DYNC2I1: variants seen among roughly 807,000 people sequenced by gnomAD.
The protein encoded by DYNC2I1 is cytoplasmic dynein 2 intermediate chain 1.
A neutral mutation model predicts 133.4 loss-of-function variants in DYNC2I1; 89 were observed. That is an observed-to-expected ratio of 0.67 (90% confidence interval 0.56 to 0.80). DYNC2I1 has a LOEUF of 0.80. Ranked by LOEUF, DYNC2I1 falls within the 30% of genes least tolerant of loss-of-function variation. DYNC2I1 has a pLI of 0.00. For synonymous variants in DYNC2I1, 504 were observed against 484.3 expected (o/e 1.04, Z -0.54); for missense variants, 1,291 against 1,314.5 (o/e 0.98, Z 0.28).
At chr7:158,901,591 T>C (rs1234122708) in intron 8 of DYNC2I1, 148 bp from the exon 9 acceptor site, 1 of 594,034 alleles carries the variant, frequency 1.7e-6, no homozygotes, top group African/African-American at 2.0e-5. Flanking sequence ...TAAAGGAATT[T>C]AACATTATAT....
chr7:158,909,420 T>C (rs751047789), intron 11 of DYNC2I1, among the ~76,000 whole-genome samples: 2 of 151,878 alleles, frequency 1.3e-5, no homozygotes, highest in Admixed American at 6.6e-5. Context: ...TGGTACAATG[T>C]CTGCATAGGC....
At chr7:158,928,798 C>G (rs1483610167) in intron 20 of DYNC2I1, among the ~76,000 whole-genome samples, 3 of 151,922 alleles carry the variant, frequency 2.0e-5, no homozygotes, top group African/African-American at 4.8e-5. Flanking sequence ...GCACCAACCC[C>G]CCTTCACACC....
At chr7:158,878,380 A>G (rs1585003295) in intron 4 of DYNC2I1, among the ~76,000 whole-genome samples, 1 of 106,764 alleles carries the variant, frequency 9.4e-6, no homozygotes. Flanking sequence ...AGGAGGGCCG[A>G]CTGTGAATGC....
At chr7:158,943,918 C>T (rs770438714) in intron 24 of DYNC2I1, among the ~76,000 whole-genome samples, 2 of 152,166 alleles carry the variant, frequency 1.3e-5, no homozygotes, top group Non-Finnish European at 2.9e-5. Context: ...GCCCGGCCCA[C>T]GTTCCTCTAC....
At position 158,878,825 on chromosome 7, in the gene DYNC2I1, GACT is replaced by G. The variant is rs1563098644; in HGVS notation, c.574-858_574-856del. On this transcript the variant is annotated intron_variant, in intron 4 of 24. Transcript: ENST00000407559. ...GCCATGTGGGGAGGCCAGGAGGGCC[GACT>G]GTGAGTGCCGGGCGCCATGTGGGGT... Among the ~76,000 whole-genome samples the G allele has an allele frequency of 3.4e-4, 49 of 145,460 alleles. 1 individual carries two copies. The highest frequency in any genetic ancestry group is 2.0e-3 in the South Asian group (9 of 4,514).
chr7:158,857,698 C>T (rs1841423462), intron 1 of DYNC2I1, among the ~76,000 whole-genome samples: 1 of 150,198 alleles, frequency 6.7e-6, no homozygotes, highest in Admixed American at 6.7e-5. Context: ...CCACCAAGCC[C>T]AGCTGATTTT....
chr7:158,917,921 G>T (rs1250652126), intron 14 of DYNC2I1, among the ~76,000 whole-genome samples: 6 of 152,026 alleles, frequency 3.9e-5, no homozygotes, highest in Admixed American at 1.3e-4. Context: ...AACATTTCCT[G>T]TCTCTCACTC....
chr7:158,847,319 AT>A, the DYNC2I1 span, among the ~76,000 whole-genome samples: 1 of 152,060 alleles, frequency 6.6e-6, no homozygotes, highest in Non-Finnish European at 1.5e-5. Flanking sequence ...AAGAAAATGC[AT>A]TTTTTTCTAG....
chr7:158,880,544 A>AGTGAGAC (rs1843896757), intron 5 of DYNC2I1, among the ~76,000 whole-genome samples: 1 of 152,144 alleles, frequency 6.6e-6, no homozygotes, highest in Non-Finnish European at 1.5e-5. Flanking sequence ...TGGGTGACGG[A>AGTGAGAC]GTGAGACTCT....
At chr7:158,912,954 A>G (rs1463143097) in intron 12 of DYNC2I1, 31 bp from the exon 13 acceptor site, 11 of 1,508,636 alleles carry the variant, frequency 7.3e-6, no homozygotes, top group Middle Eastern at 1.7e-4. Context: ...ATTGAAACCA[A>G]TGTTAATTTT....
chr7:158,905,999 T>A lies in DYNC2I1; in HGVS notation c.1368T>A (p.Ser456Arg), dbSNP rs1424034452. 6.2e-7 allele frequency: 1 copy of A among 1,613,590 alleles called. No individual in the cohort carries two copies. Among genetic ancestry groups the A allele is most frequent in the Non-Finnish European group, 8.5e-7 (1 of 1,179,734 alleles). The part of the protein sequence containing the change: ...FEKEPRTDTN[S>R]SPSRASVCGI... ...TTCTCCCTCACACAGATACAAACAGTTCCCCTTCCAGAGCCTCTGTTTGTG... is the reference window on the plus strand; with the variant it reads ...TTCTCCCTCACACAGATACAAACAGATCCCCTTCCAGAGCCTCTGTTTGTG... The change falls in exon 11 of 25, where the codon AGT becomes AGA. Residue 456 changes from serine to arginine, a missense_variant. By Grantham distance (110) the Ser-to-Arg change is moderately radical. Transcript: ENST00000407559.
intron 1 of DYNC2I1, among the ~76,000 whole-genome samples, chr7:158,862,043 G>T (rs1409360743): frequency 6.6e-6 from 1 of 152,212 alleles, no homozygotes; most frequent in African/African-American, 2.4e-5. Context: ...GCGGGAGCCA[G>T]CCTTGCCCTC....
intron 8 of DYNC2I1, among the ~76,000 whole-genome samples, chr7:158,898,869 T>G (rs183244140): frequency 1.3e-5 from 2 of 151,284 alleles, no homozygotes; most frequent in Non-Finnish European, 3.0e-5. Context: ...AGTTAAAGGT[T>G]GTTTTTTTTT....
At chr7:158,839,972 C>T in the DYNC2I1 span, among the ~76,000 whole-genome samples, 17,943 of 151,424 alleles carry the variant, frequency 0.12, 1,447 homozygotes, top group East Asian at 0.43. Flanking sequence ...TCACCACACC[C>T]GGCTAATTGA....
chr7:158,931,295 A>G (rs1563194088), intron 21 of DYNC2I1, among the ~76,000 whole-genome samples: 1 of 152,136 alleles, frequency 6.6e-6, no homozygotes, highest in Non-Finnish European at 1.5e-5. Flanking sequence ...CATTTACTGC[A>G]CTCAGGGGTC....
intron 5 of DYNC2I1, among the ~76,000 whole-genome samples, chr7:158,880,800 T>C (rs2129479014): frequency 6.6e-6 from 1 of 152,324 alleles, no homozygotes; most frequent in South Asian, 2.1e-4. Flanking sequence ...GCACCTTTTG[T>C]TCTCATGAGT....
chr7:158,958,227 G>T (rs112974376), downstream of DYNC2I1, among the ~76,000 whole-genome samples: 1,666 of 151,978 alleles, frequency 0.011, 38 homozygotes, highest in African/African-American at 0.038. Flanking sequence ...TGCTTATGAG[G>T]TGCACCTTGA....
At chr7:158,937,173 G>T (rs1345041278) in intron 23 of DYNC2I1, among the ~76,000 whole-genome samples, 1 of 152,180 alleles carries the variant, frequency 6.6e-6, no homozygotes, top group East Asian at 1.9e-4. Context: ...AAATTTATCA[G>T]AGAAATTTAA....
chr7:158,935,237 G>A (rs1161417772), intron 23 of DYNC2I1, among the ~76,000 whole-genome samples: 1 of 152,246 alleles, frequency 6.6e-6, no homozygotes. Context: ...GGAAATGTGT[G>A]TGTGGGTGCG....
Sources: allele counts gnomAD v4.1 joint callset (sites outside exome capture counted in the v4.1 genomes callset), GRCh38; gene constraint gnomAD v4.1.1; transcripts MANE v1.5; gene names NCBI Gene and HGNC (gene_info 2026-07-23, HGNC 2026-07-21).